The following SH3RF3 variants were observed in gnomAD, a reference collection of about 807,000 sequenced individuals.
SH3RF3 encodes the protein E3 ubiquitin-protein ligase SH3RF3.
In SH3RF3, 29 loss-of-function variants were observed where a neutral mutation model predicts 66.3. That is an observed-to-expected ratio of 0.44 (90% CI 0.33 to 0.60). SH3RF3 has a LOEUF of 0.60. SH3RF3 is among the 20% of genes least tolerant of loss of function. The pLI is 0.04. For synonymous variants in SH3RF3, 583 were observed against 532.0 expected, an observed-to-expected ratio of 1.10 and a Z score of -1.32; for missense variants, 1,194 against 1,190.9, an observed-to-expected ratio of 1.00 and a Z score of -0.04.
In SH3RF3 at chr2:109,398,930, C is replaced by T. The variant is rs1300789857; in HGVS notation, c.1286C>T (p.Ala429Val). 1.2e-6 allele frequency: 2 copies of T among 1,611,800 alleles called. No homozygotes were observed. The highest frequency in any genetic ancestry group is 3.3e-5 in the Admixed American group (2 of 60,000). The change falls in exon 4 of 10, where the codon GCT becomes GTT. Residue 429 changes from alanine (A) to valine (V), a missense_variant. Coordinates refer to ENST00000309415, the MANE Select transcript of SH3RF3 (RefSeq NM_001099289.3). The stretch of plus-strand genomic sequence containing the variant: ...GGAGACCTTGCTCATCTGTCGTGCG[C>T]TGCTCCCACCCAGGTAACATCCCGC... ...RIGDLAHLSC[A>V]APTQDVSSSA...
chr2:109,156,760 A>T (rs927118431), intron 1 of SH3RF3, among the ~76,000 whole-genome samples: 1 of 151,918 alleles, frequency 6.6e-6, no homozygotes, highest in African/African-American at 2.4e-5. Flanking sequence ...TAAGTTTTTT[A>T]AAAAGGGATG....
intron 2 of SH3RF3, among the ~76,000 whole-genome samples, chr2:109,355,879 A>C (rs1336730535): frequency 6.6e-6 from 1 of 152,150 alleles, no homozygotes; most frequent in Non-Finnish European, 1.5e-5. Context: ...GTCCTTCTGA[A>C]AGCAATGGCT....
chr2:109,240,735 T>G (rs1452115954), intron 1 of SH3RF3, among the ~76,000 whole-genome samples: 4 of 152,078 alleles, frequency 2.6e-5, no homozygotes, highest in Non-Finnish European at 2.9e-5. Context: ...CCCTTCTGTT[T>G]CCTTCTGAGC....
chr2:109,298,736 G>C (rs1025515852), intron 1 of SH3RF3, among the ~76,000 whole-genome samples: 1 of 152,090 alleles, frequency 6.6e-6, no homozygotes, highest in Admixed American at 6.5e-5. Flanking sequence ...AGCTCACCCT[G>C]TGAAATATCC....
chr2:109,316,110 C>T (rs1489266296), intron 1 of SH3RF3, among the ~76,000 whole-genome samples: 1 of 152,090 alleles, frequency 6.6e-6, no homozygotes, highest in Non-Finnish European at 1.5e-5. Flanking sequence ...GCAGGAAAAA[C>T]CTAAAGCTTT....
At chr2:109,300,557 C>A (rs1464514767) in intron 1 of SH3RF3, among the ~76,000 whole-genome samples, 1 of 152,172 alleles carries the variant, frequency 6.6e-6, no homozygotes, top group Non-Finnish European at 1.5e-5. Flanking sequence ...TGACAGGCAT[C>A]CTTTTCCATA....
intron 1 of SH3RF3, among the ~76,000 whole-genome samples, chr2:109,276,195 G>A (rs913058082): frequency 1.3e-5 from 2 of 152,154 alleles, no homozygotes; most frequent in Non-Finnish European, 2.9e-5. Context: ...AAACACCAGC[G>A]TTCTCCCACA....
intron 3 of SH3RF3, among the ~76,000 whole-genome samples, chr2:109,389,970 C>T (rs886553619): frequency 2.6e-5 from 4 of 152,240 alleles, no homozygotes; most frequent in Admixed American, 2.0e-4. Context: ...TCCTCCTCAC[C>T]CACCTAAGAT....
chr2:109,235,383 CT>C (rs1679623146), intron 1 of SH3RF3, among the ~76,000 whole-genome samples: 1 of 152,198 alleles, frequency 6.6e-6, no homozygotes, highest in African/African-American at 2.4e-5. Context: ...AGACCCTAAT[CT>C]TTTCAAAGCC....
intron 8 of SH3RF3, among the ~76,000 whole-genome samples, chr2:109,484,937 G>C (rs1678931290): frequency 6.6e-6 from 1 of 152,214 alleles, no homozygotes; most frequent in Non-Finnish European, 1.5e-5. Flanking sequence ...GTGTGTACCT[G>C]GTGGAGTTAA....
At chr2:109,459,426 A>G (rs1436907682) in intron 8 of SH3RF3, among the ~76,000 whole-genome samples, 1 of 152,158 alleles carries the variant, frequency 6.6e-6, no homozygotes, top group Non-Finnish European at 1.5e-5. Flanking sequence ...GGGGTGATCC[A>G]AACCTTCATT....
intron 1 of SH3RF3, among the ~76,000 whole-genome samples, chr2:109,170,395 G>A (rs992652667): frequency 1.3e-5 from 2 of 151,010 alleles, no homozygotes; most frequent in Admixed American, 6.6e-5. Context: ...GCCCAGGCTG[G>A]AGTGCAGTGG....
intron 8 of SH3RF3, among the ~76,000 whole-genome samples, chr2:109,474,234 G>A (rs1678612430): frequency 1.3e-5 from 2 of 152,158 alleles, no homozygotes; most frequent in African/African-American, 4.8e-5. Flanking sequence ...GGTGGGTGTG[G>A]GCACATTTGT....
chr2:109,391,282 C>A (rs1675985310), intron 3 of SH3RF3, among the ~76,000 whole-genome samples: 2 of 152,242 alleles, frequency 1.3e-5, no homozygotes, highest in South Asian at 4.1e-4. Flanking sequence ...GGCAGCCCGA[C>A]AGCAGCCTGA....
At chr2:109,474,885 G>A (rs1678639780) in intron 8 of SH3RF3, among the ~76,000 whole-genome samples, 1 of 152,256 alleles carries the variant, frequency 6.6e-6, no homozygotes, top group African/African-American at 2.4e-5. Context: ...AGAGCCAGCA[G>A]GGAAGGGCAG....
chr2:109,320,184 C>T (rs1559021878), intron 1 of SH3RF3, among the ~76,000 whole-genome samples: 1 of 152,192 alleles, frequency 6.6e-6, no homozygotes, highest in Non-Finnish European at 1.5e-5. Context: ...CCGTCACAGC[C>T]CTCGGCTTGC....
rs188750102 is a variant in SH3RF3 at position 109,496,231 on chromosome 2, G to A, written c.2481-5272G>A. Among the ~76,000 whole-genome samples, 94 of 152,144 alleles carry A rather than the reference G, an allele frequency of 6.2e-4. No individual in the cohort carries two copies. In the East Asian group the frequency reaches 0.013, roughly 21 times the overall value. On this transcript the variant is annotated intron_variant, in intron 9 of 9. Transcript: ENST00000309415. ...TGCATTTTACAGAGTGCTGATTGGC[G>A]CGTTTTACAGAGCACTAATTGCTGC...
chr2:109,474,648 G>T (rs185126326), intron 8 of SH3RF3, among the ~76,000 whole-genome samples: 1 of 152,192 alleles, frequency 6.6e-6, no homozygotes, highest in Non-Finnish European at 1.5e-5. Flanking sequence ...GAAGCTTCCC[G>T]CTGGTCTGCC....
intron 1 of SH3RF3, among the ~76,000 whole-genome samples, chr2:109,251,073 C>T (rs1400728792): frequency 2.0e-5 from 3 of 151,956 alleles, no homozygotes; most frequent in Non-Finnish European, 2.9e-5. Flanking sequence ...ATGATCTCGG[C>T]TCATGGCAAC....
Sources: allele counts gnomAD v4.1 joint callset (sites outside exome capture counted in the v4.1 genomes callset), GRCh38; gene constraint gnomAD v4.1.1; transcripts MANE v1.5; gene names NCBI Gene and HGNC (gene_info 2026-07-23, HGNC 2026-07-21).